GALNT13: variants seen among roughly 807,000 people sequenced by gnomAD.
GALNT13 encodes the protein polypeptide N-acetylgalactosaminyltransferase 13.
A neutral mutation model predicts 64.2 loss-of-function variants in GALNT13; 28 were observed. The ratio of observed to expected loss-of-function variants is 0.44; its 90% CI spans 0.32 to 0.60. GALNT13 has a LOEUF of 0.60. GALNT13 is among the 20% of genes least tolerant of loss of function. The pLI, the probability that GALNT13 is intolerant of heterozygous loss-of-function variation, is 0.05. For missense variants in GALNT13, 577 were observed against 669.8 expected (o/e 0.86, Z 1.53); for synonymous variants, 214 against 224.6 (o/e 0.95, Z 0.42).
the GALNT13 span, among the ~76,000 whole-genome samples, chr2:153,801,859 T>C: frequency 6.6e-6 from 1 of 152,182 alleles, no homozygotes; most frequent in African/African-American, 2.4e-5. Context: ...TTTCCACTTA[T>C]GTATGGTATG....
At chr2:153,215,898 G>A in the GALNT13 span, among the ~76,000 whole-genome samples, 11 of 151,756 alleles carry the variant, frequency 7.2e-5, no homozygotes, top group African/African-American at 2.7e-4. Context: ...TTTGACAAAT[G>A]CTTAGGGTCC....
At chr2:153,964,548 TA>T (rs1693194025) in intron 3 of GALNT13, among the ~76,000 whole-genome samples, 2 of 152,190 alleles carry the variant, frequency 1.3e-5, no homozygotes, top group African/African-American at 4.8e-5. Flanking sequence ...TATTGAGGTT[TA>T]TTTTTAAAAT....
At chr2:153,758,050 T>G in the GALNT13 span, among the ~76,000 whole-genome samples, 1 of 152,182 alleles carries the variant, frequency 6.6e-6, no homozygotes, top group Admixed American at 6.6e-5. Flanking sequence ...ACGTAAAACA[T>G]TGTCCAGACA....
chr2:153,744,939 T>G, the GALNT13 span, among the ~76,000 whole-genome samples: 1 of 152,048 alleles, frequency 6.6e-6, no homozygotes, highest in East Asian at 1.9e-4. Context: ...GAAGGCCTGG[T>G]GAGGAGTGAG....
the GALNT13 span, among the ~76,000 whole-genome samples, chr2:153,243,881 T>A: frequency 1.3e-5 from 2 of 152,146 alleles, no homozygotes; most frequent in African/African-American, 4.8e-5. Flanking sequence ...AAAATTGATC[T>A]GTTTAATGGA....
intron 4 of GALNT13, among the ~76,000 whole-genome samples, chr2:154,147,540 A>T (rs987428078): frequency 6.6e-6 from 1 of 151,868 alleles, no homozygotes; most frequent in Non-Finnish European, 1.5e-5. Flanking sequence ...CAGAAAGGAG[A>T]CAGCAGAAAG....
intron 1 of GALNT13, among the ~76,000 whole-genome samples, chr2:153,881,426 A>G (rs1686776184): frequency 6.6e-6 from 1 of 152,178 alleles, no homozygotes; most frequent in South Asian, 2.1e-4. Context: ...CCTAGAGCAG[A>G]CATTTTGTCA....
intron 4 of GALNT13, among the ~76,000 whole-genome samples, chr2:154,202,169 G>A (rs1345667183): frequency 1.3e-5 from 2 of 152,126 alleles, no homozygotes; most frequent in African/African-American, 2.4e-5. Context: ...GCAGACATAT[G>A]TAAGATGTTA....
chr2:153,159,011 AG>A, the GALNT13 span: 1 of 170,422 alleles, frequency 5.9e-6, no homozygotes. Flanking sequence ...TCCCCAGTCC[AG>A]GGGTATTGCA....
At chr2:154,394,770 C>A (rs763673725) in intron 9 of GALNT13, among the ~76,000 whole-genome samples, 2 of 152,132 alleles carry the variant, frequency 1.3e-5, no homozygotes, top group Non-Finnish European at 2.9e-5. Context: ...AGCCCAAAGA[C>A]CTTGTTTTTT....
chr2:153,070,424 G>T, the GALNT13 span, among the ~76,000 whole-genome samples: 8 of 152,184 alleles, frequency 5.3e-5, no homozygotes, highest in Non-Finnish European at 7.4e-5. Flanking sequence ...AAAAACCATA[G>T]AACTCTACAA....
intron 3 of GALNT13, among the ~76,000 whole-genome samples, chr2:154,129,311 T>G (rs1210150828): frequency 6.6e-6 from 1 of 152,178 alleles, no homozygotes; most frequent in Non-Finnish European, 1.5e-5. Flanking sequence ...ATGCTGGTCA[T>G]TTGAACTTTA....
At chr2:154,281,685 T>C (rs1022540314) in intron 8 of GALNT13, among the ~76,000 whole-genome samples, 1 of 152,080 alleles carries the variant, frequency 6.6e-6, no homozygotes, top group Non-Finnish European at 1.5e-5. Context: ...TCAATACCAC[T>C]TCACCATACC....
At chr2:154,144,970 T>C (rs1683479897) in intron 4 of GALNT13, among the ~76,000 whole-genome samples, 1 of 151,164 alleles carries the variant, frequency 6.6e-6, no homozygotes, top group Non-Finnish European at 1.5e-5. Context: ...TTTTATATTT[T>C]AAGTACAATT....
At chr2:154,055,648 T>G (rs2105355894) in intron 3 of GALNT13, among the ~76,000 whole-genome samples, 1 of 152,138 alleles carries the variant, frequency 6.6e-6, no homozygotes, top group Non-Finnish European at 1.5e-5. Context: ...AATAAAATGG[T>G]CTGAGTAGAG....
chr2:154,455,777 A>C (rs1702024896), downstream of GALNT13, among the ~76,000 whole-genome samples: 1 of 152,176 alleles, frequency 6.6e-6, no homozygotes, highest in Admixed American at 6.5e-5. Flanking sequence ...GACAATTTTC[A>C]CTGTATTTGT....
chr2:154,174,227 A>G (rs1473294923), intron 4 of GALNT13, among the ~76,000 whole-genome samples: 1 of 152,182 alleles, frequency 6.6e-6, no homozygotes, highest in African/African-American at 2.4e-5. Flanking sequence ...GGATTTAGCT[A>G]GACTACCTCA....
At chr2:154,132,154 C>T (rs1682655145) in intron 3 of GALNT13, among the ~76,000 whole-genome samples, 1 of 152,138 alleles carries the variant, frequency 6.6e-6, no homozygotes, top group African/African-American at 2.4e-5. Flanking sequence ...CTCACAGACA[C>T]ACCCAGGAAC....
At chr2:154,129,503 T>TA (rs1232770310) in intron 3 of GALNT13, among the ~76,000 whole-genome samples, 1 of 152,160 alleles carries the variant, frequency 6.6e-6, no homozygotes, top group East Asian at 1.9e-4. Flanking sequence ...TTGAGACATG[T>TA]AAAAATGTGT....
Sources: allele counts gnomAD v4.1 joint callset (sites outside exome capture counted in the v4.1 genomes callset), GRCh38; gene constraint gnomAD v4.1.1; transcripts MANE v1.5; gene names NCBI Gene and HGNC (gene_info 2026-07-23, HGNC 2026-07-21).